The following FRY variants were observed in gnomAD, a reference collection of about 807,000 sequenced individuals.
FRY encodes protein furry homolog.
FRY carries 128 observed loss-of-function variants against 348.4 expected under a neutral mutation model. The observed-to-expected ratio is 0.37, with a 90% CI of 0.32 to 0.43. The LOEUF is 0.43. FRY is among the 20% of genes least tolerant of loss of function. The pLI is 1.00. For synonymous variants in FRY, 1,370 were observed against 1,374.7 expected (o/e 1.00, Z 0.08); for missense variants, 2,736 against 3,695.2 (o/e 0.74, Z 6.73).
intron 28 of FRY, among the ~76,000 whole-genome samples, chr13:32,192,989 T>A (rs1883442971): frequency 1.3e-5 from 2 of 151,848 alleles, no homozygotes; most frequent in African/African-American, 4.8e-5. Flanking sequence ...GTGATGCGCC[T>A]GCCTGGGCCT....
At chr13:32,117,567 C>T in intron 4 of FRY, 94 bp downstream of exon 4, 1 of 1,298,950 alleles carries the variant, frequency 7.7e-7, no homozygotes, top group Admixed American at 1.7e-5. Flanking sequence ...TTGGGTCTTC[C>T]TGACTCTTCA....
intron 8 of FRY, among the ~76,000 whole-genome samples, chr13:32,133,927 C>T (rs776168560): frequency 6.6e-6 from 1 of 151,606 alleles, no homozygotes; most frequent in Non-Finnish European, 1.5e-5. Flanking sequence ...CTACGGGTGC[C>T]GCCATCATGC....
At chr13:32,173,094 T>C (rs1882183722) in intron 18 of FRY, among the ~76,000 whole-genome samples, 1 of 152,242 alleles carries the variant, frequency 6.6e-6, no homozygotes, top group Non-Finnish European at 1.5e-5. Context: ...AGTTGTGTTT[T>C]TATCAACATT....
At chr13:32,067,252 A>C (rs1437980915) in intron 1 of FRY, among the ~76,000 whole-genome samples, 1 of 152,224 alleles carries the variant, frequency 6.6e-6, no homozygotes, top group African/African-American at 2.4e-5. Context: ...GACCTGGGTC[A>C]AATGCCACCT....
At chr13:32,204,915 G>T (rs1255267884) in intron 31 of FRY, among the ~76,000 whole-genome samples, 1 of 152,138 alleles carries the variant, frequency 6.6e-6, no homozygotes, top group African/African-American at 2.4e-5. Context: ...AGATAGATAT[G>T]CAATCAAGCC....
chr13:32,263,438 C>G (rs1346104374), intron 53 of FRY, among the ~76,000 whole-genome samples: 1 of 151,910 alleles, frequency 6.6e-6, no homozygotes, highest in Non-Finnish European at 1.5e-5. Context: ...AATATTGAAG[C>G]TTAAATAGTA....
intron 14 of FRY, 97 bp from the exon 15 acceptor site, chr13:32,155,394 C>T: frequency 1.2e-6 from 1 of 864,242 alleles, no homozygotes; most frequent in Non-Finnish European, 2.0e-6. Flanking sequence ...TACTCATCTA[C>T]ATGCAATTCA....
At chr13:32,287,751 C>A in intron 58 of FRY, 1 of 312,064 alleles carries the variant, frequency 3.2e-6, no homozygotes, top group Non-Finnish European at 6.5e-6. Flanking sequence ...GTGAGCAATG[C>A]TAATACTGCT....
At chr13:32,058,585 T>C (rs1187756904) in intron 1 of FRY, among the ~76,000 whole-genome samples, 1 of 152,238 alleles carries the variant, frequency 6.6e-6, no homozygotes, top group Non-Finnish European at 1.5e-5. Context: ...ACTGTCAGTA[T>C]GCCTGACCTT....
At chr13:32,163,276 C>G (rs951411805) in intron 17 of FRY, among the ~76,000 whole-genome samples, 5 of 152,226 alleles carry the variant, frequency 3.3e-5, no homozygotes, top group African/African-American at 1.2e-4. Context: ...CGGCCACCAT[C>G]TAACAGACAT....
In FRY at chr13:32,201,957, A is replaced by T. The variant is rs765096928; in HGVS notation, c.3763A>T (p.Ile1255Leu). The change falls in exon 30 of 61, where the codon ATA becomes TTA. Residue 1255 changes from isoleucine (I) to leucine (L), a missense_variant. Ile to Leu is a conservative substitution (Grantham distance 5, BLOSUM62 2). Coordinates refer to ENST00000542859, the MANE Select transcript of FRY (RefSeq NM_023037.3). Reference protein sequence around the residue: ...VCGSRNYPFDIVTLLNLVLFK... With the variant: ...VCGSRNYPFDLVTLLNLVLFK... ...TGTTTTTAGGAACTATCCCTTCGAC[A>T]TAGTGACATTGTTAAACCTTGTTCT... is the stretch of plus-strand genomic sequence containing the variant. The T allele has an allele frequency of 6.3e-7, 1 of 1,588,004 alleles. No individual in the cohort carries two copies. Among genetic ancestry groups the T allele is most frequent in the Non-Finnish European group, 8.6e-7 (1 of 1,156,374 alleles).
In FRY at chr13:32,185,043, A is replaced by G; in HGVS notation, c.3214A>G (p.Thr1072Ala). 6.2e-7 allele frequency: 1 copy of G among 1,613,656 alleles called. No individual in the cohort carries two copies. The highest frequency in any genetic ancestry group is 1.1e-5 in the South Asian group (1 of 91,072). ...TTTGTTCTTAGAATATGTGGACTTG[A>G]CCCGCATGCTCCTAGAAGCTGAAAA... ...GALFLEYVDL[T>A]RMLLEAENDK... Residue 1072 changes from threonine (T) to alanine (A), a missense_variant, in exon 26 of 61, where the codon ACC becomes GCC. Thr to Ala is a moderately conservative substitution (Grantham distance 58). This residue lies in a region of FRY where 449 missense variants were observed against 576.9 expected (regional missense o/e 0.78). Transcript: ENST00000542859.
At chr13:32,221,043 A>T (rs987236274) in intron 36 of FRY, among the ~76,000 whole-genome samples, 2 of 152,194 alleles carry the variant, frequency 1.3e-5, no homozygotes, top group Non-Finnish European at 2.9e-5. Context: ...TTGTCAGTGT[A>T]TTAGAAAAAG....
intron 57 of FRY, among the ~76,000 whole-genome samples, chr13:32,278,026 C>T (rs1888620926): frequency 6.6e-6 from 1 of 152,126 alleles, no homozygotes; most frequent in South Asian, 2.1e-4. Flanking sequence ...AGGAGATCTG[C>T]CCCATAGCAG....
chr13:32,208,075 G>A (rs1400767716), intron 31 of FRY, among the ~76,000 whole-genome samples: 1 of 152,236 alleles, frequency 6.6e-6, no homozygotes, highest in African/African-American at 2.4e-5. Context: ...CTGAGAGAAA[G>A]TAATGGTGAA....
At chr13:32,076,878 T>C (rs1290545575) in intron 1 of FRY, among the ~76,000 whole-genome samples, 1 of 152,222 alleles carries the variant, frequency 6.6e-6, no homozygotes, top group Non-Finnish European at 1.5e-5. Context: ...CAATAATTAC[T>C]TTACTTAGCA....
In FRY at chr13:32,244,087, G is replaced by T. The variant is rs1366701307; in HGVS notation, c.6733G>T (p.Val2245Leu). Residue 2245 changes from valine (V) to leucine (L), a missense_variant, in exon 47 of 61, where the codon GTG becomes TTG. Physicochemically the swap from Val to Leu is conservative, Grantham distance 32 (BLOSUM62 1). This residue lies in a region of FRY where 789 missense variants were observed against 996.2 expected (regional missense o/e 0.79). Transcript: ENST00000542859. ...TAGTGTGCAGCAGCCCCTGCTCCAG[G>T]TGATCTACAGTCTTCTCAGCTACAT... ...LPSVQQPLLQ[V>L]IYSLLSYMDL... 6.2e-7 allele frequency: 1 copy of T among 1,614,002 alleles called. No individual in the cohort carries two copies. The highest frequency in any genetic ancestry group is 8.5e-7 in the Non-Finnish European group (1 of 1,179,854).
Position 32,117,560 on chromosome 13 carries a change from G to A in FRY, c.464+87G>A, listed in dbSNP as rs950445114. The A allele has an allele frequency of 2.9e-6, 4 of 1,376,568 alleles. No homozygotes were observed. The African/African-American group carries it at 5.7e-5, about 20-fold the overall frequency. The allele number at this position is 1,376,568 out of a possible 1,614,324, so 85.3% of individuals were successfully genotyped here. A position where few individuals can be genotyped will look rare whatever the true frequency, so the allele number is the denominator to read the frequency against. ...CAAAATTAGAGTTACAAGGCAATTG[G>A]GTCTTCCTGACTCTTCACAAGGATG... On this transcript the variant is annotated intron_variant, in intron 4 of 60. Coordinates refer to ENST00000542859, the MANE Select transcript of FRY (RefSeq NM_023037.3).
chr13:32,151,729 G>C (rs1566099371), intron 14 of FRY, among the ~76,000 whole-genome samples: 1 of 152,222 alleles, frequency 6.6e-6, no homozygotes, highest in Non-Finnish European at 1.5e-5. Flanking sequence ...TCTGTGAGAA[G>C]AGTTTCTTGG....
Sources: gnomAD v4.1 joint callset for allele counts (sites outside exome capture counted in the v4.1 genomes callset) on GRCh38, gnomAD v4.1.1 for gene constraint, gnomAD v4.1.1 regional missense constraint, MANE v1.5 for transcripts, NCBI Gene and HGNC (gene_info 2026-07-23, HGNC 2026-07-21) for gene names.